The following SMARCA4 variants were observed in gnomAD, a reference collection of about 807,000 sequenced individuals.
SMARCA4 encodes the protein SWI/SNF-related matrix-associated actin-dependent regulator of chromatin subfamily A member 4.
Under a neutral mutation model 193.9 loss-of-function variants are expected in SMARCA4, and 31 were observed. The ratio of observed to expected loss-of-function variants is 0.16; its 90% CI spans 0.12 to 0.22. The LOEUF is 0.22. Among genes scored for constraint, SMARCA4 ranks in the 10% least tolerant of loss-of-function variants. The pLI is 1.00. For missense variants in SMARCA4, 1,148 were observed against 2,296.0 expected (o/e 0.50, Z 10.22); for synonymous variants, 942 against 933.1 (o/e 1.01, Z -0.17).
chr19:11,023,827 A>G (rs1372180599), intron 20 of SMARCA4, among the ~76,000 whole-genome samples, 196 bp downstream of exon 20: 1 of 152,218 alleles, frequency 6.6e-6, no homozygotes, highest in African/African-American at 2.4e-5. Context: ...TCATAGGCTC[A>G]CATAGCTCAC....
chr19:11,018,094 T>G (rs995049350), intron 16 of SMARCA4, among the ~76,000 whole-genome samples: 1 of 152,130 alleles, frequency 6.6e-6, no homozygotes, highest in Non-Finnish European at 1.5e-5. Context: ...TGGAGATGGG[T>G]TCATGGTGGA....
At chr19:10,995,898 C>T (rs1404361936) in intron 9 of SMARCA4, 1 of 438,274 alleles carries the variant, frequency 2.3e-6, no homozygotes, top group Non-Finnish European at 4.3e-6. Context: ...GAGGGATGCA[C>T]CTTGGACTTG....
In SMARCA4 at chr19:10,984,476, C is replaced by T. The variant is rs1227828138; in HGVS notation, c.222+103C>T. ...TACTTGGAGGATGGGGGGAAGCCTT[C>T]TTGTTGGAGGTGTCCTGCCTTGGCT... On this transcript the variant is annotated intron_variant, in intron 2 of 34. Coordinates refer to ENST00000344626, the MANE Select transcript of SMARCA4 (RefSeq NM_003072.5). This position sits in a 1 kb window ranked among gnomAD's most constrained non-coding sequence, Gnocchi z 4.3. 1 of 1,543,482 alleles carries T rather than the reference C, an allele frequency of 6.5e-7. No homozygotes were observed. Among genetic ancestry groups the T allele is most frequent in the Admixed American group, 2.0e-5 (1 of 50,864 alleles).
Position 11,031,345 on chromosome 19 carries a change from C to T in SMARCA4, c.3546+452C>T, listed in dbSNP as rs1307340047. On this transcript the variant is annotated intron_variant, in intron 25 of 34. Transcript: ENST00000344626. The surrounding 1 kb of genome is among the most constrained non-coding windows in gnomAD (Gnocchi z 4.3). The stretch of plus-strand genomic sequence containing the variant: ...ATAACCATGTACCCCTCATGGGCCT[C>T]GGCATCGGTGGATACCAGGTCATGC... 2 of 203,674 alleles carry T rather than the reference C, an allele frequency of 9.8e-6. No individual in the cohort carries two copies. Among genetic ancestry groups the T allele is most frequent in the East Asian group, 1.1e-4 (1 of 8,700 alleles). The allele number at this position is 203,674 out of a possible 1,614,324, so 12.6% of individuals were successfully genotyped here.
rs2145731253 is a variant in SMARCA4, at chr19:10,984,466, G to T, written c.222+93G>T. On this transcript the variant is annotated intron_variant, in intron 2 of 34. Transcript: ENST00000344626. This position sits in a 1 kb window ranked among gnomAD's most constrained non-coding sequence, Gnocchi z 4.3. ...CCGAGGGCCTTACTTGGAGGATGGG[G>T]GGAAGCCTTCTTGTTGGAGGTGTCC... 1 of 1,546,782 alleles carries T rather than the reference G, an allele frequency of 6.5e-7. No individual in the cohort carries two copies. The highest frequency in any genetic ancestry group is 1.4e-5 in the African/African-American group (1 of 73,098).
At chr19:10,994,674 T>C (rs1190278850) in intron 8 of SMARCA4, among the ~76,000 whole-genome samples, 154 bp from the exon 9 acceptor site, 2 of 152,012 alleles carry the variant, frequency 1.3e-5, no homozygotes, top group East Asian at 3.9e-4. Flanking sequence ...TTAGCCAGGA[T>C]GATCTCGATC....
At chr19:11,012,840 G>A in intron 15 of SMARCA4, 109 bp from the exon 16 acceptor site, 1 of 976,038 alleles carries the variant, frequency 1.0e-6, no homozygotes. Flanking sequence ...GGTGGGATGT[G>A]GCTTAGGCAG....
chr19:11,034,915 G>T lies in SMARCA4; in HGVS notation c.3953G>T (p.Arg1318Leu), dbSNP rs2075174391. The change falls in exon 29 of 35, where the codon CGC becomes CTC. Residue 1318 changes from arginine (R) to leucine (L), a missense_variant and splice_region_variant. Transcript: ENST00000344626. This position sits in a 1 kb window ranked among gnomAD's most constrained non-coding sequence, Gnocchi z 7.0. ...TCCCGTTGCCTCCCTGCCCACCAGC[G>T]CATGGACCTGGACCGCAGGCGCGAG... ...RHEEEFDLFM[R>L]MDLDRRREEA... 6.4e-7 allele frequency: 1 copy of T among 1,559,984 alleles called. No individual in the cohort carries two copies. The highest frequency in any genetic ancestry group is 1.4e-5 in the African/African-American group (1 of 73,738).
At position 11,041,052 on chromosome 19, in the gene SMARCA4, A is replaced by T; in HGVS notation, c.4171-255A>T. On this transcript the variant is annotated intron_variant, in intron 29 of 34. Coordinates refer to ENST00000344626, the MANE Select transcript of SMARCA4 (RefSeq NM_003072.5). The surrounding 1 kb of genome is among the most constrained non-coding windows in gnomAD (Gnocchi z 5.6). Reference sequence around the variant, plus strand: ...AGAAGATAGTTCTTTTTTTTTGGTCAAGAAATTCAACCATTAGTTTTTTAA... The same window carrying T: ...AGAAGATAGTTCTTTTTTTTTGGTCTAGAAATTCAACCATTAGTTTTTTAA... 1.9e-6 allele frequency: 1 copy of T among 517,320 alleles called. No homozygotes were observed. The highest frequency in any genetic ancestry group is 3.4e-6 in the Non-Finnish European group (1 of 292,810). The allele number at this position is 517,320 out of a possible 1,614,324, so 32.0% of individuals were successfully genotyped here.
chr19:11,002,830 A>G (rs1263929449), intron 11 of SMARCA4, among the ~76,000 whole-genome samples, 199 bp from the exon 12 acceptor site: 2 of 151,446 alleles, frequency 1.3e-5, no homozygotes, highest in South Asian at 2.1e-4. Context: ...AAGAAGAAAC[A>G]AGTGTCAGCC....
At chr19:11,018,874 CCT>C (rs113234705) in intron 16 of SMARCA4, 81 bp from the exon 17 acceptor site, 15 of 1,174,362 alleles carry the variant, frequency 1.3e-5, no homozygotes, top group African/African-American at 7.5e-5. Flanking sequence ...TGGCCTCGCC[CCT>C]GACAGCCAGT....
chr19:11,031,243 G>GCA lies in SMARCA4; in HGVS notation c.3546+358_3546+359dup, dbSNP rs1323575148. On this transcript the variant is annotated intron_variant, in intron 25 of 34. Transcript: ENST00000344626. The surrounding 1 kb of genome is among the most constrained non-coding windows in gnomAD (Gnocchi z 4.3). ...GCGGCCCCTGCAGTGTGCCCTGTGA[G>GCA]CACACACACTGGCGCTTGTTCAGAC... 2.2e-5 allele frequency: 8 copies of GCA among 366,974 alleles called. No individual in the cohort carries two copies. The highest frequency in any genetic ancestry group is 7.6e-5 in the Admixed American group (2 of 26,310). 22.7% of individuals were successfully genotyped at this position (366,974 alleles called of 1,614,324 possible).
chr19:11,040,394 C>G (rs1206169671), intron 29 of SMARCA4: 1 of 151,638 alleles, frequency 6.6e-6, no homozygotes. Context: ...GAGTTTGAGA[C>G]CATCCTGACC....
chr19:10,981,253 G>T (rs943630614), intron 1 of SMARCA4, among the ~76,000 whole-genome samples: 11 of 152,336 alleles, frequency 7.2e-5, no homozygotes, highest in Admixed American at 7.2e-4. Flanking sequence ...GCCTCCCCCT[G>T]CCCTGGCCGT....
At chr19:11,010,105 C>T (rs375993803) in intron 14 of SMARCA4, among the ~76,000 whole-genome samples, 22 of 152,304 alleles carry the variant, frequency 1.4e-4, no homozygotes, top group African/African-American at 4.8e-4. Flanking sequence ...AAATTACAGG[C>T]GTGAGCCACC....
rs1694630894 is a variant in SMARCA4 at position 11,034,057 on chromosome 19, C to A, written c.3874-66C>A. On this transcript the variant is annotated intron_variant, in intron 27 of 34. Coordinates refer to ENST00000344626, the MANE Select transcript of SMARCA4 (RefSeq NM_003072.5). This position sits in a 1 kb window ranked among gnomAD's most constrained non-coding sequence, Gnocchi z 7.0. ...CATTCCCACGGACGCCGCCGCTCGC[C>A]TCTGAGCTCGGCCGCCGCCCACCCC... The A allele has an allele frequency of 3.1e-6, 4 of 1,302,408 alleles. No homozygotes were observed. In the South Asian group the frequency reaches 4.7e-5, roughly 15 times the overall value. 80.7% of individuals were successfully genotyped at this position (1,302,408 alleles called of 1,614,324 possible). A position where few individuals can be genotyped will look rare whatever the true frequency, so the allele number is the denominator to read the frequency against.
chr19:10,995,721 C>T (rs1011372126), intron 9 of SMARCA4, among the ~76,000 whole-genome samples: 31 of 152,118 alleles, frequency 2.0e-4, no homozygotes, highest in Admixed American at 9.2e-4. Flanking sequence ...GAGGTGAGGT[C>T]AGAGCTTACA....
chr19:10,971,185 A>G (rs773106840), intron 1 of SMARCA4, among the ~76,000 whole-genome samples: 9 of 152,106 alleles, frequency 5.9e-5, no homozygotes, highest in Non-Finnish European at 1.2e-4. Flanking sequence ...AACAAGAGTG[A>G]AACTTCATCT....
chr19:11,025,777 C>T (rs180943534), intron 22 of SMARCA4, among the ~76,000 whole-genome samples: 1 of 152,272 alleles, frequency 6.6e-6, no homozygotes, highest in African/African-American at 2.4e-5. Context: ...GGGGATGTGT[C>T]CCCCCACAGT....
Sources: gnomAD v4.1 joint callset for allele counts (sites outside exome capture counted in the v4.1 genomes callset) on GRCh38, gnomAD v4.1.1 for gene constraint, Gnocchi (gnomAD v3.1) non-coding constraint, MANE v1.5 for transcripts, NCBI Gene and HGNC (gene_info 2026-07-23, HGNC 2026-07-21) for gene names.